Variants in PCDHAC1 observed in about 807,000 individuals in gnomAD.
PCDHAC1 encodes the protein protocadherin alpha-C1.
In PCDHAC1, 42 loss-of-function variants were observed where a neutral mutation model predicts 60.0. The observed-to-expected ratio is 0.70, with a 90% CI of 0.55 to 0.90. PCDHAC1 has a LOEUF of 0.90. PCDHAC1 is among the 40% of genes least tolerant of loss of function. The probability of loss-of-function intolerance (pLI) is 0.00; values close to 1 mark genes in which losing one functional copy is unlikely to be tolerated. For synonymous variants in PCDHAC1, 468 were observed against 499.3 expected, an observed-to-expected ratio of 0.94 and a Z score of 0.84; for missense variants, 1,160 against 1,222.3, an observed-to-expected ratio of 0.95 and a Z score of 0.76.
chr5:140,950,662 C>T (rs1347125277), intron 1 of PCDHAC1, among the ~76,000 whole-genome samples: 1 of 152,030 alleles, frequency 6.6e-6, no homozygotes, highest in East Asian at 1.9e-4. Flanking sequence ...CTGAGTTTAT[C>T]AAACATGTAC....
intron 1 of PCDHAC1, among the ~76,000 whole-genome samples, chr5:140,964,622 T>A (rs1435749865): frequency 6.6e-6 from 1 of 152,048 alleles, no homozygotes; most frequent in African/African-American, 2.4e-5. Flanking sequence ...ATTCCACTTA[T>A]AAGCCATTTA....
At position 140,928,286 on chromosome 5, in the gene PCDHAC1, G is replaced by A. The variant is rs140714840; in HGVS notation, c.1394G>A (p.Gly465Asp). The A allele has an allele frequency of 7.4e-6, 12 of 1,614,014 alleles. No individual in the cohort carries two copies. The highest frequency in any genetic ancestry group is 9.3e-6 in the Non-Finnish European group (11 of 1,180,054). ...AACAATGGCCCTGGGGCCTCTCTAG[G>A]CCGAGTGTTTGCCCAGGACCCCGAC... ...AENNGPGASL[G>D]RVFAQDPDLG... The change falls in exon 1 of 4, where the codon GGC becomes GAC. Residue 465 changes from glycine to aspartate, a missense_variant. Coordinates refer to ENST00000253807, the MANE Select transcript of PCDHAC1 (RefSeq NM_018898.5).
intron 3 of PCDHAC1, among the ~76,000 whole-genome samples, chr5:140,998,721 C>A (rs987484967): frequency 4.6e-5 from 7 of 152,084 alleles, no homozygotes; most frequent in Admixed American, 4.6e-4. Flanking sequence ...TGCACCACCA[C>A]GCTAGGCTAA....
intron 3 of PCDHAC1, among the ~76,000 whole-genome samples, chr5:140,997,002 G>T (rs534893055): frequency 1.3e-5 from 2 of 152,118 alleles, no homozygotes; most frequent in East Asian, 1.9e-4. Context: ...TAACAATTTT[G>T]TGTGTATCCT....
Position 140,969,539 on chromosome 5 carries a change from A to G in PCDHAC1, c.2434-9410A>G, listed in dbSNP as rs551546462. ...GAATTGTTTTATTTTTCATTTTCAGAGGCATGAAGCCTTGTCCATAAAATT... is the reference window on the plus strand; with the variant it reads ...GAATTGTTTTATTTTTCATTTTCAGGGGCATGAAGCCTTGTCCATAAAATT... On this transcript the variant is annotated intron_variant, in intron 1 of 3. Transcript: ENST00000253807. The G allele has an allele frequency of 2.3e-6, 3 of 1,303,614 alleles. No individual in the cohort carries two copies. The Admixed American group carries it at 8.5e-5, about 37-fold the overall frequency. 80.8% of individuals were successfully genotyped at this position (1,303,614 alleles called of 1,614,324 possible).
rs781919488 is a variant in PCDHAC1 at position 141,010,129 on chromosome 5, G to T, written c.*192G>T. 1 of 1,601,910 alleles carries T rather than the reference G, an allele frequency of 6.2e-7. No individual in the cohort carries two copies. Among genetic ancestry groups the T allele is most frequent in the East Asian group, 2.2e-5 (1 of 44,578 alleles). ...TGTCGTAAAAGCTTTACTAAGTCTGGTGTTAACTCTTTCTCTCCACTCTGG... is the reference window on the plus strand; with the variant it reads ...TGTCGTAAAAGCTTTACTAAGTCTGTTGTTAACTCTTTCTCTCCACTCTGG... On this transcript the variant is annotated 3_prime_UTR_variant, in exon 4 of 4. Transcript: ENST00000253807.
chr5:140,966,240 G>A (rs1372436745), intron 1 of PCDHAC1: 3 of 306,008 alleles, frequency 9.8e-6, no homozygotes, highest in Non-Finnish European at 1.8e-5. Flanking sequence ...GACCCGTTAA[G>A]CAGGGGAGAG....
chr5:140,949,924 A>AT (rs144693243), intron 1 of PCDHAC1, among the ~76,000 whole-genome samples: 6 of 151,302 alleles, frequency 4.0e-5, no homozygotes, highest in African/African-American at 7.3e-5. Context: ...CTATTTTTAG[A>AT]TTTTTTTTAA....
intron 1 of PCDHAC1, among the ~76,000 whole-genome samples, chr5:140,947,661 T>C (rs2094159982): frequency 6.6e-6 from 1 of 151,672 alleles, no homozygotes; most frequent in South Asian, 2.1e-4. Context: ...CTCCATTTAC[T>C]TGGGTCTTTA....
chr5:140,983,548 T>C (rs1479703561), intron 3 of PCDHAC1, among the ~76,000 whole-genome samples: 1 of 152,212 alleles, frequency 6.6e-6, no homozygotes, highest in African/African-American at 2.4e-5. Context: ...GTCTCATTTA[T>C]TCCTTAAGTC....
intron 2 of PCDHAC1, 138 bp from the exon 3 acceptor site, chr5:140,982,337 A>G: frequency 6.9e-7 from 1 of 1,455,066 alleles, no homozygotes; most frequent in East Asian, 2.5e-5. Context: ...CTCAGCAGTA[A>G]TTGCTTCAGT....
intron 1 of PCDHAC1, among the ~76,000 whole-genome samples, chr5:140,972,762 A>G (rs1048509158): frequency 4.7e-5 from 7 of 150,026 alleles, no homozygotes; most frequent in African/African-American, 1.7e-4. Context: ...CTCCCAAGTT[A>G]AAGTGATTCT....
At chr5:140,941,221 T>TTCTTTCTTTCTTTCTTTCTC (rs1563186510) in intron 1 of PCDHAC1, among the ~76,000 whole-genome samples, 1 of 131,536 alleles carries the variant, frequency 7.6e-6, no homozygotes, top group Admixed American at 7.9e-5. Context: ...CTTCCTTTCT[T>TTCTTTCTTTCTTTCTTTCTC]TCTTTCTTTC....
At chr5:140,989,319 A>G (rs1291622013) in intron 3 of PCDHAC1, among the ~76,000 whole-genome samples, 1 of 152,138 alleles carries the variant, frequency 6.6e-6, no homozygotes, top group Admixed American at 6.5e-5. Context: ...GGGTCTCACC[A>G]ACTTTGCCAC....
intron 1 of PCDHAC1, among the ~76,000 whole-genome samples, chr5:140,940,974 A>G (rs1206597858): frequency 6.6e-6 from 1 of 152,220 alleles, no homozygotes; most frequent in Non-Finnish European, 1.5e-5. Flanking sequence ...GATATCTGGT[A>G]TCTAGTTACA....
At chr5:140,985,577 G>A (rs1265916995) in intron 3 of PCDHAC1, among the ~76,000 whole-genome samples, 1 of 152,116 alleles carries the variant, frequency 6.6e-6, no homozygotes, top group Non-Finnish European at 1.5e-5. Flanking sequence ...TGGTGCCTAA[G>A]CCTCCTTATA....
intron 1 of PCDHAC1, chr5:140,966,716 G>T: frequency 1.4e-6 from 2 of 1,394,682 alleles, no homozygotes; most frequent in Non-Finnish European, 9.2e-7. Context: ...CACGGCTGGG[G>T]AAGCTGCCGC....
rs1554213778 is a variant in PCDHAC1, at chr5:140,941,190, T to TC, written c.2433+11865_2433+11866insC. ...CCATCTTGAACATCCTGCTTCTTTT[T>TC]TTTTCTTTCTTCCTTTCTTTCTTCC... On this transcript the variant is annotated intron_variant, in intron 1 of 3. Coordinates refer to ENST00000253807, the MANE Select transcript of PCDHAC1 (RefSeq NM_018898.5). Among the ~76,000 whole-genome samples, 446 of 129,506 alleles carry TC rather than the reference T, an allele frequency of 3.4e-3. 3 individuals are homozygous for TC. Among genetic ancestry groups the TC allele is most frequent in the South Asian group, 0.026 (101 of 3,954 alleles). The allele number at this position is 129,506 out of a possible 152,430, so 85.0% of individuals were successfully genotyped here.
intron 1 of PCDHAC1, among the ~76,000 whole-genome samples, chr5:140,960,004 A>C (rs2095521827): frequency 6.6e-6 from 1 of 152,216 alleles, no homozygotes; most frequent in Non-Finnish European, 1.5e-5. Context: ...ATACAAATCT[A>C]TTTTGCATCA....
Sources: gnomAD v4.1 joint callset for allele counts (sites outside exome capture counted in the v4.1 genomes callset) on GRCh38, gnomAD v4.1.1 for gene constraint, MANE v1.5 for transcripts, NCBI Gene and HGNC (gene_info 2026-07-23, HGNC 2026-07-21) for gene names.